Variants in GABRG3 observed in about 807,000 individuals in gnomAD.
GABRG3 encodes the protein gamma-aminobutyric acid type A receptor subunit gamma3.
A neutral mutation model predicts 48.8 loss-of-function variants in GABRG3; 25 were observed. The ratio of observed to expected loss-of-function variants is 0.51; its 90% CI spans 0.37 to 0.72. The LOEUF (loss-of-function observed/expected upper bound fraction) is 0.72. Ranked by LOEUF, GABRG3 falls within the 30% of genes least tolerant of loss-of-function variation. The pLI is 0.00. For missense variants in GABRG3, 394 were observed against 577.9 expected (o/e 0.68, Z 3.26); for synonymous variants, 227 against 217.6 (o/e 1.04, Z -0.38).
At chr15:27,271,634 G>A (rs201781042) in intron 3 of GABRG3, 1 of 455,972 alleles carries the variant, frequency 2.2e-6, no homozygotes. Flanking sequence ...AAAATAAGCT[G>A]TCTGTAAGTA....
intron 3 of GABRG3, among the ~76,000 whole-genome samples, chr15:27,238,095 T>TGGATGAGGAATG (rs763473912): frequency 1.4e-5 from 2 of 148,034 alleles, no homozygotes; most frequent in South Asian, 2.2e-4. Context: ...TGTGATGGGA[T>TGGATGAGGAATG]CATCTTGAGA....
chr15:27,316,671 A>G lies in GABRG3; in HGVS notation c.271-10138A>G, dbSNP rs1446745861. Among the ~76,000 whole-genome samples the G allele has an allele frequency of 2.0e-5, 3 of 152,344 alleles. No individual in the cohort carries two copies. In the South Asian group the frequency reaches 6.2e-4, roughly 32 times the overall value. ...TTTTATGTGGGGGAAATTCCCCTGA[A>G]TGATGAGGAATTTCGTTCGTTTTAG... On this transcript the variant is annotated intron_variant, in intron 3 of 9. Transcript: ENST00000615808.
chr15:27,537,540 T>C lies in GABRG3; in HGVS notation c.*4659T>C, dbSNP rs995087508. The C allele has an allele frequency of 6.6e-6, 1 of 152,240 alleles. No individual in the cohort carries two copies. Among genetic ancestry groups the C allele is most frequent in the Non-Finnish European group, 1.5e-5 (1 of 68,044 alleles). The allele number at this position is 152,240 out of a possible 1,614,324, so 9.4% of individuals were successfully genotyped here. ...GCATCGCTGATCCCTTGTTGACTTA[T>C]GTTTTATTATAAAAATAGATCTCTA... On this transcript the variant is annotated 3_prime_UTR_variant, in exon 10 of 10. Transcript: ENST00000615808.
intron 3 of GABRG3, among the ~76,000 whole-genome samples, chr15:27,068,776 G>C (rs1052417082): frequency 2.0e-5 from 3 of 152,184 alleles, no homozygotes; most frequent in Admixed American, 1.3e-4. Context: ...AGACTGAAGT[G>C]GGTGAGTTGT....
At chr15:27,012,078 A>G (rs191543012) in intron 2 of GABRG3, among the ~76,000 whole-genome samples, 2 of 152,262 alleles carry the variant, frequency 1.3e-5, no homozygotes. Context: ...AATATTTTAA[A>G]ATATTTTGAA....
chr15:27,078,489 CA>C (rs1656989406), intron 3 of GABRG3, among the ~76,000 whole-genome samples: 2 of 152,262 alleles, frequency 1.3e-5, no homozygotes, highest in South Asian at 4.1e-4. Context: ...AAAGGAAAAA[CA>C]TGCCTTAACC....
At chr15:27,388,021 A>G (rs1178794563) in intron 5 of GABRG3, among the ~76,000 whole-genome samples, 2 of 98,786 alleles carry the variant, frequency 2.0e-5, no homozygotes, top group African/African-American at 4.1e-5. Context: ...GAAAGGGAGG[A>G]GGGAGGGAGG....
chr15:27,058,528 T>A (rs370903167), intron 3 of GABRG3, among the ~76,000 whole-genome samples: 1 of 152,192 alleles, frequency 6.6e-6, no homozygotes, highest in East Asian at 1.9e-4. Flanking sequence ...AGTTGTAGCA[T>A]CTTTGAAGTT....
chr15:27,003,056 A>G (rs2140657830), intron 2 of GABRG3, among the ~76,000 whole-genome samples: 1 of 152,066 alleles, frequency 6.6e-6, no homozygotes, highest in East Asian at 1.9e-4. Flanking sequence ...GAATATTTAA[A>G]TATGTTTTCT....
At chr15:27,220,533 A>T (rs1322175243) in intron 3 of GABRG3, among the ~76,000 whole-genome samples, 1 of 152,176 alleles carries the variant, frequency 6.6e-6, no homozygotes, top group Non-Finnish European at 1.5e-5. Context: ...CGTGGTCAGA[A>T]TTCAGTCCCG....
chr15:27,398,875 A>G (rs1887398342), intron 5 of GABRG3, among the ~76,000 whole-genome samples: 1 of 152,228 alleles, frequency 6.6e-6, no homozygotes, highest in South Asian at 2.1e-4. Flanking sequence ...CAGATCAGGC[A>G]GAAGACACAC....
intron 3 of GABRG3, among the ~76,000 whole-genome samples, chr15:27,223,331 C>T (rs1240100099): frequency 6.6e-6 from 1 of 152,208 alleles, no homozygotes; most frequent in Admixed American, 6.5e-5. Context: ...GAAAGCCAAT[C>T]GCTGAGACAA....
Position 27,374,370 on chromosome 15 carries a change from A to G in GABRG3, c.574+45482A>G, listed in dbSNP as rs550366427. Among the ~76,000 whole-genome samples, 5 of 152,010 alleles carry G rather than the reference A, an allele frequency of 3.3e-5. No individual in the cohort carries two copies. The East Asian group carries it at 9.7e-4, about 29-fold the overall frequency. On this transcript the variant is annotated intron_variant, in intron 5 of 9. Coordinates refer to ENST00000615808, the MANE Select transcript of GABRG3 (RefSeq NM_033223.5). ...AGTCTCGAACTCCTGGACTCAAGCAATCCTCCTGCCTCAGCCTTCTAAAGT... is the reference window on the plus strand; with the variant it reads ...AGTCTCGAACTCCTGGACTCAAGCAGTCCTCCTGCCTCAGCCTTCTAAAGT...
At chr15:27,078,809 T>TC in intron 3 of GABRG3, among the ~76,000 whole-genome samples, 1 of 152,150 alleles carries the variant, frequency 6.6e-6, no homozygotes, top group East Asian at 1.9e-4. Flanking sequence ...TTGGATGCTG[T>TC]CCCCCTGCAA....
rs143764900 is a variant in GABRG3 at position 27,038,691 on chromosome 15, G to A, written c.270+11870G>A. ...GACCAACCAAGCTCTTGGGGCCTGGGGCACATGGGAACCATGCAGTGTGGC... is the reference window on the plus strand; with the variant it reads ...GACCAACCAAGCTCTTGGGGCCTGGAGCACATGGGAACCATGCAGTGTGGC... On this transcript the variant is annotated intron_variant, in intron 3 of 9. Transcript: ENST00000615808. Among the ~76,000 whole-genome samples, 1,254 of 152,310 alleles carry A rather than the reference G, an allele frequency of 8.2e-3. 15 individuals carry two copies. Among genetic ancestry groups the A allele is most frequent in the African/African-American group, 0.029 (1,204 of 41,572 alleles).
rs1267792540 is a variant in GABRG3 at position 26,976,394 on chromosome 15, T to C, written c.54-608T>C. ...CGAGGCGTGCAAGATTGCTAGAGGG[T>C]CTTCACCAGTCATCAGCGAACATCG... is the stretch of plus-strand genomic sequence containing the variant. On this transcript the variant is annotated intron_variant, in intron 1 of 9. Transcript: ENST00000615808. The surrounding 1 kb of genome is among the most constrained non-coding windows in gnomAD (Gnocchi z 7.8). 6.6e-6 allele frequency among the ~76,000 whole-genome samples: 1 copy of C among 152,152 alleles called. No homozygotes were observed. Among genetic ancestry groups the C allele is most frequent in the East Asian group, 1.9e-4 (1 of 5,178 alleles).
intron 3 of GABRG3, among the ~76,000 whole-genome samples, chr15:27,268,179 A>G (rs570336863): frequency 3.9e-5 from 6 of 152,234 alleles, no homozygotes; most frequent in African/African-American, 1.4e-4. Context: ...GAGTTTTTTT[A>G]TGGGAAGAAT....
chr15:27,026,564 C>T (rs975138683), intron 2 of GABRG3, among the ~76,000 whole-genome samples, 190 bp from the exon 3 acceptor site: 3 of 152,216 alleles, frequency 2.0e-5, no homozygotes, highest in East Asian at 1.9e-4. Flanking sequence ...TCTCATCCTT[C>T]GAGAATTTTG....
At chr15:27,224,711 T>G (rs1566971119) in intron 3 of GABRG3, among the ~76,000 whole-genome samples, 1 of 152,240 alleles carries the variant, frequency 6.6e-6, no homozygotes, top group Non-Finnish European at 1.5e-5. Context: ...ATGGAAAGGT[T>G]AAGAAGTAAC....
Sources: allele counts gnomAD v4.1 joint callset (sites outside exome capture counted in the v4.1 genomes callset), GRCh38; gene constraint gnomAD v4.1.1; non-coding constraint Gnocchi (gnomAD v3.1); transcripts MANE v1.5; gene names NCBI Gene and HGNC (gene_info 2026-07-23, HGNC 2026-07-21).